The following NEK11 variants were observed in gnomAD, a reference collection of about 807,000 sequenced individuals.
NEK11 encodes the protein serine/threonine-protein kinase Nek11.
NEK11 carries 72 observed loss-of-function variants against 80.7 expected under a neutral mutation model. The ratio of observed to expected loss-of-function variants is 0.89; its 90% confidence interval spans 0.74 to 1.08. The LOEUF (loss-of-function observed/expected upper bound fraction) is 1.08. Ranked by LOEUF, NEK11 falls within the 50% of genes least tolerant of loss-of-function variation. The pLI is 0.00. For missense variants in NEK11, 764 were observed against 763.6 expected (o/e 1.00, Z -0.01); for synonymous variants, 251 against 260.7 (o/e 0.96, Z 0.36).
At chr3:131,107,302 A>AAGTGATACAT (rs1553872665) in intron 4 of NEK11, among the ~76,000 whole-genome samples, 2 of 152,066 alleles carry the variant, frequency 1.3e-5, no homozygotes, top group African/African-American at 4.8e-5. Context: ...GGTGTTTTTA[A>AAGTGATACAT]AGCGATACAT....
chr3:131,063,669 G>A (rs1344251458), intron 3 of NEK11, among the ~76,000 whole-genome samples: 1 of 152,070 alleles, frequency 6.6e-6, no homozygotes, highest in East Asian at 1.9e-4. Context: ...TGTCTGATGG[G>A]GAATACAAGA....
chr3:131,105,834 G>GT (rs1429528763), intron 4 of NEK11, among the ~76,000 whole-genome samples: 1 of 152,210 alleles, frequency 6.6e-6, no homozygotes, highest in African/African-American at 2.4e-5. Flanking sequence ...TATCCAGTCA[G>GT]TTTTTTTCCC....
At chr3:131,036,689 G>A (rs1333519188) in intron 3 of NEK11, among the ~76,000 whole-genome samples, 5 of 152,210 alleles carry the variant, frequency 3.3e-5, no homozygotes, top group African/African-American at 9.7e-5. Flanking sequence ...GAGCATCAGA[G>A]TTGTCTGGAG....
chr3:131,145,285 G>T (rs1368171766), intron 7 of NEK11, among the ~76,000 whole-genome samples: 2 of 152,136 alleles, frequency 1.3e-5, no homozygotes. Flanking sequence ...GATTACAGGT[G>T]TGAGCCACTG....
intron 14 of NEK11, among the ~76,000 whole-genome samples, chr3:131,222,411 G>A (rs1362687235): frequency 6.6e-6 from 1 of 152,118 alleles, no homozygotes; most frequent in Non-Finnish European, 1.5e-5. Flanking sequence ...TTTTTAAACT[G>A]TAAAATGCAC....
chr3:131,273,353 T>TA, intron 16 of NEK11, 125 bp from the exon 17 acceptor site: 1 of 636,522 alleles, frequency 1.6e-6, no homozygotes, highest in Non-Finnish European at 2.8e-6. Context: ...AATTCATCTC[T>TA]AATTAATGTA....
chr3:131,245,692 G>A (rs2095590653), intron 16 of NEK11, among the ~76,000 whole-genome samples: 1 of 152,034 alleles, frequency 6.6e-6, no homozygotes, highest in African/African-American at 2.4e-5. Context: ...CTGATGATTA[G>A]TGATGTTGAA....
chr3:131,031,321 TTC>T (rs1243201055), intron 3 of NEK11, among the ~76,000 whole-genome samples: 5 of 152,236 alleles, frequency 3.3e-5, no homozygotes, highest in Non-Finnish European at 7.3e-5. Context: ...AAAGGATTTT[TTC>T]TCTTTAATCC....
chr3:131,062,668 T>C (rs1167209316), intron 3 of NEK11, among the ~76,000 whole-genome samples: 2 of 152,210 alleles, frequency 1.3e-5, no homozygotes, highest in Non-Finnish European at 2.9e-5. Flanking sequence ...AACAGAACCA[T>C]GTGGTATGGA....
chr3:131,309,516 A>G (rs12498110), intron 17 of NEK11, among the ~76,000 whole-genome samples: 3 of 152,182 alleles, frequency 2.0e-5, no homozygotes, highest in African/African-American at 7.2e-5. Context: ...CTCATTAAAC[A>G]CAAGTCCCAA....
At chr3:131,111,356 C>T (rs999693020) in intron 5 of NEK11, among the ~76,000 whole-genome samples, 2 of 152,088 alleles carry the variant, frequency 1.3e-5, no homozygotes, top group Admixed American at 6.6e-5. Flanking sequence ...CTTTGTGATT[C>T]AGGTAACAAT....
intron 7 of NEK11, among the ~76,000 whole-genome samples, chr3:131,146,227 T>A (rs1286152163): frequency 1.3e-5 from 2 of 152,136 alleles, no homozygotes; most frequent in Non-Finnish European, 2.9e-5. Flanking sequence ...GCTAGCCTTC[T>A]GTTACTTGGA....
intron 14 of NEK11, among the ~76,000 whole-genome samples, chr3:131,221,872 T>G (rs911828709): frequency 6.6e-6 from 1 of 152,110 alleles, no homozygotes; most frequent in African/African-American, 2.4e-5. Flanking sequence ...CAAGCCCCAT[T>G]CCAGACCTAC....
chr3:131,276,537 T>C (rs1478722461), intron 17 of NEK11, among the ~76,000 whole-genome samples: 1 of 152,220 alleles, frequency 6.6e-6, no homozygotes, highest in Non-Finnish European at 1.5e-5. Flanking sequence ...TATTTACCAG[T>C]ATAGACTTCA....
chr3:131,055,357 G>A (rs2069261775), intron 3 of NEK11, among the ~76,000 whole-genome samples: 1 of 152,180 alleles, frequency 6.6e-6, no homozygotes, highest in African/African-American at 2.4e-5. Flanking sequence ...TGTTCTCAGG[G>A]AGGGGACAGT....
chr3:131,269,678 A>C (rs1220762830), intron 16 of NEK11, among the ~76,000 whole-genome samples: 1 of 152,176 alleles, frequency 6.6e-6, no homozygotes, highest in South Asian at 2.1e-4. Context: ...CTATTCGGCC[A>C]TCTTGCCCAT....
At chr3:131,210,067 T>C (rs753261902) in intron 14 of NEK11, among the ~76,000 whole-genome samples, 1 of 152,216 alleles carries the variant, frequency 6.6e-6, no homozygotes, top group Non-Finnish European at 1.5e-5. Flanking sequence ...TTCTTTTAAT[T>C]GTGATGTTAA....
At chr3:131,277,675 G>A (rs763224589) in intron 17 of NEK11, among the ~76,000 whole-genome samples, 10 of 152,216 alleles carry the variant, frequency 6.6e-5, no homozygotes, top group Non-Finnish European at 1.3e-4. Flanking sequence ...TATATGCGAT[G>A]TCAGGCATAG....
At chr3:131,246,175 C>A (rs1315598080) in intron 16 of NEK11, among the ~76,000 whole-genome samples, 1 of 151,964 alleles carries the variant, frequency 6.6e-6, no homozygotes, top group African/African-American at 2.4e-5. Flanking sequence ...TCTTTAATGG[C>A]AATTTATGAG....
Sources: allele counts gnomAD v4.1 joint callset (sites outside exome capture counted in the v4.1 genomes callset), GRCh38; gene constraint gnomAD v4.1.1; transcripts MANE v1.5; gene names NCBI Gene and HGNC (gene_info 2026-07-23, HGNC 2026-07-21).